The following FER variants were observed in gnomAD, a reference collection of about 807,000 sequenced individuals.
FER encodes the protein tyrosine-protein kinase Fer.
Under a neutral mutation model 111.0 loss-of-function variants are expected in FER, and 63 were observed. The ratio of observed to expected loss-of-function variants is 0.57; its 90% CI spans 0.46 to 0.70. The LOEUF (loss-of-function observed/expected upper bound fraction) is 0.70, where lower values mean the gene tolerates loss of function less well. FER is among the 30% of genes least tolerant of loss of function. The pLI, the probability that FER is intolerant of heterozygous loss-of-function variation, is 0.00. For missense variants in FER, 914 were observed against 954.0 expected (o/e 0.96, Z 0.55); for synonymous variants, 327 against 313.9 (o/e 1.04, Z -0.44).
At position 109,014,041 on chromosome 5, in the gene FER, A is replaced by C. The variant is rs1322046679; in HGVS notation, c.1657-23381A>C. The stretch of plus-strand genomic sequence containing the variant: ...CTCCCATTTTGTAGGTTGCCTGTTC[A>C]CTCTGATGGTAGTTTCTTTTGCTGT... On this transcript the variant is annotated intron_variant, in intron 13 of 19. Coordinates refer to ENST00000281092, the MANE Select transcript of FER (RefSeq NM_005246.4). Among the ~76,000 whole-genome samples the C allele has an allele frequency of 1.3e-4, 20 of 150,354 alleles. No homozygotes were observed. In the East Asian group the frequency reaches 2.9e-3, roughly 22 times the overall value.
chr5:108,759,638 G>A (rs897640322), intron 1 of FER, among the ~76,000 whole-genome samples: 1 of 152,234 alleles, frequency 6.6e-6, no homozygotes, highest in African/African-American at 2.4e-5. Context: ...CATCTCATGA[G>A]GGCCTTCTTG....
rs901466073 is a variant in FER at position 108,924,864 on chromosome 5, A to G, written c.1237-21266A>G. On this transcript the variant is annotated intron_variant, in intron 10 of 19. Transcript: ENST00000281092. ...TATCTAAGAGTCCAGCAGGTCATCT[A>G]TTTTATGCGGCTGCTTCAAATGGGA... is the stretch of plus-strand genomic sequence containing the variant. The G allele has an allele frequency of 5.6e-5, 61 of 1,098,342 alleles. 1 individual carries two copies. The highest frequency in any genetic ancestry group is 6.3e-5 in the Non-Finnish European group (55 of 866,878). The allele number at this position is 1,098,342 out of a possible 1,614,324, so 68.0% of individuals were successfully genotyped here.
intron 1 of FER, among the ~76,000 whole-genome samples, chr5:108,758,107 A>G (rs1317800789): frequency 6.6e-6 from 1 of 152,226 alleles, no homozygotes; most frequent in Non-Finnish European, 1.5e-5. Context: ...ATGCTAGACA[A>G]GAGGCAAGCT....
At chr5:108,839,576 T>C (rs527451604) in intron 5 of FER, among the ~76,000 whole-genome samples, 2,259 of 134,648 alleles carry the variant, frequency 0.017, 29 homozygotes, top group Non-Finnish European at 0.023. Context: ...CATTTTCTTT[T>C]TTTTTTTTTT....
chr5:108,752,425 C>G (rs1036160493), intron 1 of FER, among the ~76,000 whole-genome samples: 36 of 151,948 alleles, frequency 2.4e-4, no homozygotes, highest in African/African-American at 8.5e-4. Context: ...TTCAGTGTAT[C>G]TGCATTCACA....
intron 1 of FER, among the ~76,000 whole-genome samples, chr5:108,753,131 T>C (rs1281046776): frequency 3.3e-5 from 5 of 152,144 alleles, no homozygotes; most frequent in African/African-American, 1.2e-4. Context: ...TTAGGAAGTA[T>C]TAAACTGACT....
At chr5:108,854,816 C>T (rs1350473337) in intron 5 of FER, among the ~76,000 whole-genome samples, 3 of 151,844 alleles carry the variant, frequency 2.0e-5, no homozygotes, top group African/African-American at 4.8e-5. Flanking sequence ...TGGTGGCACA[C>T]GCCTATAGTC....
intron 17 of FER, among the ~76,000 whole-genome samples, chr5:109,164,176 C>T (rs1331021777): frequency 6.6e-6 from 1 of 152,146 alleles, no homozygotes; most frequent in Non-Finnish European, 1.5e-5. Context: ...GTCAGTCTTG[C>T]TTCAAATAAG....
chr5:109,020,401 T>A (rs1329883593), intron 13 of FER, among the ~76,000 whole-genome samples: 1 of 151,970 alleles, frequency 6.6e-6, no homozygotes, highest in Non-Finnish European at 1.5e-5. Context: ...TTCTCTTTTT[T>A]AAAGAATCTT....
chr5:108,829,475 T>TA (rs1759812938), intron 3 of FER, among the ~76,000 whole-genome samples: 1 of 152,120 alleles, frequency 6.6e-6, no homozygotes, highest in African/African-American at 2.4e-5. Context: ...TTGTCTCTAC[T>TA]AAAAATCAAA....
intron 16 of FER, among the ~76,000 whole-genome samples, chr5:109,075,463 T>C (rs1204322867): frequency 3.4e-5 from 5 of 148,178 alleles, no homozygotes; most frequent in African/African-American, 1.3e-4. Flanking sequence ...AGAGTCTCGC[T>C]CTGTCACCCG....
intron 10 of FER, among the ~76,000 whole-genome samples, chr5:108,916,189 C>G (rs1752239975): frequency 6.6e-6 from 1 of 152,112 alleles, no homozygotes; most frequent in Non-Finnish European, 1.5e-5. Flanking sequence ...CTAAAGGTGT[C>G]AAAACTCTTC....
intron 10 of FER, among the ~76,000 whole-genome samples, chr5:108,934,109 T>C (rs1392719994): frequency 6.6e-6 from 1 of 152,150 alleles, no homozygotes; most frequent in Non-Finnish European, 1.5e-5. Context: ...CTGTGTTGAA[T>C]AGGAGTGGTG....
intron 5 of FER, among the ~76,000 whole-genome samples, chr5:108,852,036 C>T (rs1046445469): frequency 7.2e-5 from 11 of 152,166 alleles, no homozygotes; most frequent in South Asian, 2.1e-4. Context: ...AACTATCTTC[C>T]TAATTATCCT....
In FER at chr5:108,897,652, C is replaced by T. The variant is rs754404798; in HGVS notation, c.1047-7C>T. 5 of 1,566,390 alleles carry T rather than the reference C, an allele frequency of 3.2e-6. No individual in the cohort carries two copies. Among genetic ancestry groups the T allele is most frequent in the Middle Eastern group, 1.7e-4 (1 of 5,832 alleles). ...AGTTGAAATCATTTATATTTATTCT[C>T]TTTTAGTATTGTGCTTCTGCTAAGC... is the stretch of plus-strand genomic sequence containing the variant. On this transcript the variant is annotated splice_polypyrimidine_tract_variant and splice_region_variant and intron_variant, in intron 9 of 19. Transcript: ENST00000281092.
intron 13 of FER, among the ~76,000 whole-genome samples, chr5:109,027,040 T>G (rs2149846613): frequency 6.6e-6 from 1 of 152,314 alleles, no homozygotes; most frequent in Non-Finnish European, 1.5e-5. Flanking sequence ...TACCATGTTG[T>G]CAATATGTTT....
At chr5:109,157,517 T>TC (rs1561969096) in intron 17 of FER, among the ~76,000 whole-genome samples, 3 of 120,776 alleles carry the variant, frequency 2.5e-5, no homozygotes, top group Admixed American at 1.6e-4. Context: ...ATGAGTTCTG[T>TC]TTTTTTTTTC....
chr5:108,977,447 T>C (rs573020349), intron 13 of FER, among the ~76,000 whole-genome samples: 1 of 152,292 alleles, frequency 6.6e-6, no homozygotes, highest in East Asian at 1.9e-4. Flanking sequence ...TTTCCAAAAA[T>C]ATTTTCCAAT....
intron 16 of FER, among the ~76,000 whole-genome samples, chr5:109,069,254 T>C (rs1400230464): frequency 1.3e-5 from 2 of 152,034 alleles, no homozygotes; most frequent in Admixed American, 6.6e-5. Context: ...GTTTCTGAGG[T>C]GAGATATAAA....
Sources: allele counts gnomAD v4.1 joint callset (sites outside exome capture counted in the v4.1 genomes callset), GRCh38; gene constraint gnomAD v4.1.1; transcripts MANE v1.5; gene names NCBI Gene and HGNC (gene_info 2026-07-23, HGNC 2026-07-21).